The following BORCS8 variants were observed in gnomAD, a reference collection of about 807,000 sequenced individuals.
BORCS8 encodes the protein BLOC-1-related complex subunit 8.
A neutral mutation model predicts 18.7 loss-of-function variants in BORCS8; 13 were observed. The observed-to-expected ratio is 0.70, with a 90% CI of 0.45 to 1.11. BORCS8 has a LOEUF of 1.11. BORCS8 is among the 50% of genes least tolerant of loss of function. BORCS8 has a pLI of 0.00. For missense variants in BORCS8, 165 were observed against 165.7 expected, an observed-to-expected ratio of 1.00 and a Z score of 0.02; for synonymous variants, 68 against 64.8, an observed-to-expected ratio of 1.05 and a Z score of -0.24.
At chr19:19,189,011 T>C (rs1292969464) in intron 1 of BORCS8, among the ~76,000 whole-genome samples, 1 of 152,036 alleles carries the variant, frequency 6.6e-6, no homozygotes, top group Non-Finnish European at 1.5e-5. Flanking sequence ...ATTTTTGTAT[T>C]TTTATTTGAG....
intron 1 of BORCS8, among the ~76,000 whole-genome samples, chr19:19,187,629 C>A (rs1302451099): frequency 6.7e-6 from 1 of 149,754 alleles, no homozygotes; most frequent in Non-Finnish European, 1.5e-5. Flanking sequence ...ACCTCCGACT[C>A]CCTGGTTCAA....
At chr19:19,177,783 G>A (rs2060314668) in intron 5 of BORCS8, 1 of 174,870 alleles carries the variant, frequency 5.7e-6, no homozygotes, top group South Asian at 1.2e-4. Flanking sequence ...GACCCAGAGA[G>A]GGCCAGCACC....
chr19:19,191,115 G>A (rs1460967981), intron 1 of BORCS8, among the ~76,000 whole-genome samples: 2 of 152,074 alleles, frequency 1.3e-5, no homozygotes, highest in East Asian at 3.9e-4. Flanking sequence ...CACTTTGGGA[G>A]GCCAAGGTGG....
At chr19:19,186,171 G>C in intron 2 of BORCS8, 73 bp from the exon 3 acceptor site, 2 of 1,405,280 alleles carry the variant, frequency 1.4e-6, no homozygotes, top group African/African-American at 1.4e-5. Flanking sequence ...CAGCTCTCTT[G>C]GTTGGGGCTC....
chr19:19,188,898 A>G (rs1194072623), intron 1 of BORCS8, among the ~76,000 whole-genome samples: 2 of 151,732 alleles, frequency 1.3e-5, no homozygotes, highest in Admixed American at 1.3e-4. Flanking sequence ...GCAGTAGTGT[A>G]ATCTCGGCTC....
At chr19:19,181,602 C>T (rs1340111385) in intron 4 of BORCS8, among the ~76,000 whole-genome samples, 1 of 152,236 alleles carries the variant, frequency 6.6e-6, no homozygotes, top group Non-Finnish European at 1.5e-5. Flanking sequence ...CTAGATCCAA[C>T]TGCCAATGCC....
At chr19:19,183,027 G>A (rs2060364810) in intron 3 of BORCS8, among the ~76,000 whole-genome samples, 1 of 152,212 alleles carries the variant, frequency 6.6e-6, no homozygotes, top group Non-Finnish European at 1.5e-5. Context: ...TATAATCCCA[G>A]CTACTCAAGA....
intron 1 of BORCS8, among the ~76,000 whole-genome samples, chr19:19,190,800 A>G (rs1568570534): frequency 6.6e-6 from 1 of 152,040 alleles, no homozygotes; most frequent in African/African-American, 2.4e-5. Context: ...AATAAAAAAA[A>G]AGAAGAAGAA....
intron 4 of BORCS8, among the ~76,000 whole-genome samples, chr19:19,181,138 T>C (rs1374721462): frequency 6.7e-6 from 1 of 148,470 alleles, no homozygotes; most frequent in Non-Finnish European, 1.5e-5. Flanking sequence ...GAGGCTGGAG[T>C]GAGCTAAGAT....
Position 19,180,620 on chromosome 19 carries a change from T to G in BORCS8, c.*42+66A>C, listed in dbSNP as rs1341186233. On this transcript the variant is annotated intron_variant, in intron 5 of 5. Transcript: ENST00000462790. ...TTAGACAAGCAGGTGCCTGCCTGGC[T>G]GCCAAGCGGGCGGGTTGGTTAGTTC... The G allele has an allele frequency of 1.1e-5, 13 of 1,136,080 alleles. No individual in the cohort carries two copies. In the African/African-American group the frequency reaches 1.8e-4, roughly 16 times the overall value. The allele number at this position is 1,136,080 out of a possible 1,614,324, so 70.4% of individuals were successfully genotyped here.
chr19:19,181,844 C>T (rs776092916), intron 4 of BORCS8: 155 of 985,164 alleles, frequency 1.6e-4, no homozygotes, highest in Non-Finnish European at 1.8e-4. Flanking sequence ...CAGACGCATC[C>T]CAAGGCGACA....
chr19:19,183,912 G>A (rs566860150), intron 3 of BORCS8, among the ~76,000 whole-genome samples: 44 of 144,666 alleles, frequency 3.0e-4, no homozygotes, highest in African/African-American at 1.1e-3. Flanking sequence ...TTTTTTTTGA[G>A]ACAAAGTCTC....
chr19:19,180,553 C>T, intron 5 of BORCS8, 133 bp downstream of exon 5: 1 of 694,398 alleles, frequency 1.4e-6, no homozygotes, highest in Non-Finnish European at 2.6e-6. Context: ...CACCTGCCAC[C>T]TCCGAAATCA....
At chr19:19,181,753 C>T (rs940989240) in intron 4 of BORCS8, 18 of 553,550 alleles carry the variant, frequency 3.3e-5, no homozygotes, top group Non-Finnish European at 3.9e-5. Flanking sequence ...GCAATTTTCG[C>T]GTCTTAGTTA....
chr19:19,186,634 TAA>T (rs1390534297), intron 2 of BORCS8, among the ~76,000 whole-genome samples: 1 of 152,252 alleles, frequency 6.6e-6, no homozygotes, highest in Non-Finnish European at 1.5e-5. Flanking sequence ...GCCATGATTC[TAA>T]GTTTCCTGAG....
chr19:19,177,640 A>G lies in BORCS8; in HGVS notation c.*43-180T>C, dbSNP rs12975910. 328 of 103,004 alleles carry G rather than the reference A, an allele frequency of 3.2e-3. 1 individual carries two copies. Among genetic ancestry groups the G allele is most frequent in the African/African-American group, 0.011 (255 of 24,182 alleles). 6.4% of individuals were successfully genotyped at this position (103,004 alleles called of 1,614,324 possible). On this transcript the variant is annotated intron_variant, in intron 5 of 5. Coordinates refer to ENST00000462790, the MANE Select transcript of BORCS8 (RefSeq NM_001145784.2). ...AGATCCTGTCAAAAGAAAGAAAGAA[A>G]GAAGGAAGGAAGGAAGGAAGGAAGG...
In BORCS8 at chr19:19,186,217, T is replaced by C. The variant is rs545408801; in HGVS notation, c.151-119A>G. 85 of 906,458 alleles carry C rather than the reference T, an allele frequency of 9.4e-5. No individual in the cohort carries two copies. The Middle Eastern group carries it at 9.4e-4, about 10-fold the overall frequency. 56.2% of individuals were successfully genotyped at this position (906,458 alleles called of 1,614,324 possible). On this transcript the variant is annotated intron_variant, in intron 2 of 5. Transcript: ENST00000462790. ...TCATGGTGGAAGCAGAGACCTTTCCTCCTGCAACTCCCTTCCCTCACAGGT... is the reference window on the plus strand; with the variant it reads ...TCATGGTGGAAGCAGAGACCTTTCCCCCTGCAACTCCCTTCCCTCACAGGT...
Position 19,182,612 on chromosome 19 carries a change from C to T in BORCS8, c.287G>A (p.Ser96Asn). The T allele has an allele frequency of 6.4e-7, 1 of 1,551,294 alleles. No homozygotes were observed. Among genetic ancestry groups the T allele is most frequent in the South Asian group, 1.2e-5 (1 of 84,048 alleles). ...ACTGGCATTCATATGGTCCCGGATGCTGATGGCCTGTTTGAGCAGACCCTC... is the reference window on the plus strand; with the variant it reads ...ACTGGCATTCATATGGTCCCGGATGTTGATGGCCTGTTTGAGCAGACCCTC... ...SVEGLLKQAI[S>N]IRDHMNASAQ... Residue 96 changes from serine (S) to asparagine (N), a missense_variant, in exon 4 of 6, where the codon AGC (serine) becomes AAC (asparagine). By Grantham distance (46) the Ser-to-Asn change is conservative (BLOSUM62 1). Coordinates refer to ENST00000462790, the MANE Select transcript of BORCS8 (RefSeq NM_001145784.2). The surrounding 1 kb of genome is among the most constrained non-coding windows in gnomAD (Gnocchi z 4.1).
intron 3 of BORCS8, among the ~76,000 whole-genome samples, chr19:19,183,785 G>A (rs2146418509): frequency 6.7e-6 from 1 of 148,708 alleles, no homozygotes; most frequent in South Asian, 2.1e-4. Context: ...GGTCAGGCTG[G>A]TCTCAAACTC....
Sources: gnomAD v4.1 joint callset for allele counts (sites outside exome capture counted in the v4.1 genomes callset) on GRCh38, gnomAD v4.1.1 for gene constraint, Gnocchi (gnomAD v3.1) non-coding constraint, MANE v1.5 for transcripts, NCBI Gene and HGNC (gene_info 2026-07-23, HGNC 2026-07-21) for gene names.